The following CDK13 variants were observed in gnomAD, a reference collection of about 807,000 sequenced individuals.
The protein encoded by CDK13 is cyclin-dependent kinase 13.
CDK13 carries 40 observed loss-of-function variants against 137.6 expected under a neutral mutation model. The ratio of observed to expected loss-of-function variants is 0.29; its 90% CI spans 0.23 to 0.38. CDK13 has a LOEUF of 0.38. Among genes scored for constraint, CDK13 ranks in the 10% least tolerant of loss-of-function variants. CDK13 has a pLI of 1.00. For missense variants in CDK13, 1,704 were observed against 1,951.8 expected (o/e 0.87, Z 2.39); for synonymous variants, 869 against 760.1 (o/e 1.14, Z -2.36).
chr7:40,038,378 G>A (rs1785531746), intron 5 of CDK13, among the ~76,000 whole-genome samples: 1 of 152,136 alleles, frequency 6.6e-6, no homozygotes, highest in Non-Finnish European at 1.5e-5. Context: ...AGTTTATTCA[G>A]CTAGTTTCCT....
intron 5 of CDK13, among the ~76,000 whole-genome samples, chr7:40,038,358 G>A (rs965684069): frequency 6.6e-6 from 1 of 152,016 alleles, no homozygotes; most frequent in Admixed American, 6.6e-5. Context: ...GCACTGTGTG[G>A]GTATGCTATA....
intron 1 of CDK13, among the ~76,000 whole-genome samples, chr7:39,965,551 T>C (rs1783852038): frequency 6.6e-6 from 1 of 152,224 alleles, no homozygotes; most frequent in Non-Finnish European, 1.5e-5. Context: ...AGCATGCTGA[T>C]GGGTCTTGAC....
intron 6 of CDK13, among the ~76,000 whole-genome samples, chr7:40,046,860 G>A (rs1282796959): frequency 2.0e-5 from 3 of 151,296 alleles, no homozygotes; most frequent in Non-Finnish European, 4.4e-5. Flanking sequence ...AAATAAACCC[G>A]GTGTGGTGGC....
chr7:40,070,809 A>G (rs1451062947), intron 9 of CDK13: 1 of 35,054 alleles, frequency 2.9e-5, no homozygotes, highest in African/African-American at 5.0e-4. Context: ...CTGTGTGGCC[A>G]TATATATATA....
At chr7:39,977,726 G>C (rs1370407340) in intron 1 of CDK13, among the ~76,000 whole-genome samples, 1 of 152,316 alleles carries the variant, frequency 6.6e-6, no homozygotes, top group East Asian at 1.9e-4. Context: ...GATTATTCAA[G>C]TGCAGAGTTA....
At chr7:40,029,006 G>A (rs891629826) in intron 5 of CDK13, among the ~76,000 whole-genome samples, 3 of 151,830 alleles carry the variant, frequency 2.0e-5, no homozygotes, top group Non-Finnish European at 4.4e-5. Context: ...GAACATCATG[G>A]GTTTGAGCTG....
intron 11 of CDK13, among the ~76,000 whole-genome samples, chr7:40,083,832 T>C (rs994169029): frequency 6.6e-6 from 1 of 152,174 alleles, no homozygotes; most frequent in African/African-American, 2.4e-5. Context: ...ATCAGATTGA[T>C]CCAATATTTA....
intron 9 of CDK13, among the ~76,000 whole-genome samples, chr7:40,077,775 G>A (rs1230576682): frequency 1.3e-5 from 2 of 152,144 alleles, no homozygotes; most frequent in Non-Finnish European, 2.9e-5. Context: ...AGAATCACTT[G>A]AACCCAGGAG....
intron 2 of CDK13, among the ~76,000 whole-genome samples, chr7:39,996,666 T>C (rs1784565876): frequency 6.6e-6 from 1 of 152,092 alleles, no homozygotes; most frequent in Non-Finnish European, 1.5e-5. Flanking sequence ...TTTCTTACGG[T>C]AAAATGTTTT....
chr7:39,995,871 A>G (rs939003595), intron 2 of CDK13, among the ~76,000 whole-genome samples: 12 of 152,092 alleles, frequency 7.9e-5, no homozygotes, highest in Admixed American at 7.2e-4. Flanking sequence ...TTAGCCGGGC[A>G]TGGTGGCACG....
At chr7:39,961,523 T>C (rs1438743508) in intron 1 of CDK13, among the ~76,000 whole-genome samples, 1 of 152,210 alleles carries the variant, frequency 6.6e-6, no homozygotes, top group Non-Finnish European at 1.5e-5. Context: ...CCCTAGACCC[T>C]GGTAACCACC....
At chr7:40,044,073 T>A (rs1785678789) in intron 5 of CDK13, among the ~76,000 whole-genome samples, 1 of 151,436 alleles carries the variant, frequency 6.6e-6, no homozygotes, top group Non-Finnish European at 1.5e-5. Flanking sequence ...GTTTTTGTAT[T>A]TTTAGTAGAG....
At chr7:40,005,102 A>T (rs1784769089) in intron 5 of CDK13, among the ~76,000 whole-genome samples, 1 of 150,914 alleles carries the variant, frequency 6.6e-6, no homozygotes, top group Non-Finnish European at 1.5e-5. Context: ...TGAACCTGGG[A>T]GGTGGAGGTT....
At chr7:40,075,570 C>T (rs560367615) in intron 9 of CDK13, among the ~76,000 whole-genome samples, 3 of 152,058 alleles carry the variant, frequency 2.0e-5, no homozygotes, top group Non-Finnish European at 2.9e-5. Flanking sequence ...CATTTAATTT[C>T]GTAGCTTCAA....
rs2116059709 is a variant in CDK13 at position 39,951,267 on chromosome 7, G to C, written c.626G>C (p.Ser209Thr). ...GACCGCCGCAGCAGCAGTGGCCGCA[G>C]CAAGGAGCGCCACCGCGAGCACCGG... is the stretch of plus-strand genomic sequence containing the variant. ...RRDRRSSSGR[S>T]KERHREHRRR... Residue 209 changes from serine (S) to threonine (T), a missense_variant, in exon 1 of 14, where the codon AGC becomes ACC. By Grantham distance (58) the Ser-to-Thr change is moderately conservative. Around this residue, in one of 5 missense-constraint regions of CDK13, gnomAD observed 1,051 missense variants for 931.0 expected, o/e 1.13. Transcript: ENST00000181839. 2.2e-6 allele frequency: 3 copies of C among 1,343,344 alleles called. No individual in the cohort carries two copies. Among genetic ancestry groups the C allele is most frequent in the Non-Finnish European group, 9.5e-7 (1 of 1,054,846 alleles). The allele number at this position is 1,343,344 out of a possible 1,614,324, so 83.2% of individuals were successfully genotyped here. A position where few individuals can be genotyped will look rare whatever the true frequency, so the allele number is the denominator to read the frequency against.
At chr7:40,071,329 A>G (rs977523473) in intron 9 of CDK13, 1 of 152,238 alleles carries the variant, frequency 6.6e-6, no homozygotes, top group African/African-American at 2.4e-5. Flanking sequence ...TTTAAAGTCT[A>G]TAACGTCTAT....
At chr7:40,004,683 A>G (rs773393) in intron 5 of CDK13, among the ~76,000 whole-genome samples, 74,571 of 152,084 alleles carry the variant, frequency 0.49, 19,289 homozygotes, top group East Asian at 0.66. Context: ...AGACAGTTCA[A>G]TAACACTGGT....
At chr7:40,050,072 G>T (rs917289958) in intron 7 of CDK13, among the ~76,000 whole-genome samples, 3 of 150,754 alleles carry the variant, frequency 2.0e-5, no homozygotes, top group Non-Finnish European at 4.4e-5. Flanking sequence ...CTCCACCTCC[G>T]GGGTCCAAGT....
At chr7:39,994,771 G>A (rs976098602) in intron 2 of CDK13, among the ~76,000 whole-genome samples, 6 of 152,084 alleles carry the variant, frequency 3.9e-5, no homozygotes, top group East Asian at 3.9e-4. Flanking sequence ...TTCAGCCACC[G>A]TTTGGCTTTT....
Sources: gnomAD v4.1 joint callset for allele counts (sites outside exome capture counted in the v4.1 genomes callset) on GRCh38, gnomAD v4.1.1 for gene constraint, gnomAD v4.1.1 regional missense constraint, MANE v1.5 for transcripts, NCBI Gene and HGNC (gene_info 2026-07-23, HGNC 2026-07-21) for gene names.